HDAC4: variants seen among roughly 807,000 people sequenced by gnomAD.
HDAC4 encodes the protein histone deacetylase 4, also known as histone deacetylase A.
HDAC4 carries 16 observed loss-of-function variants against 135.1 expected under a neutral mutation model. The observed-to-expected ratio is 0.12, with a 90% CI of 0.08 to 0.18. The LOEUF (loss-of-function observed/expected upper bound fraction) is 0.18, where lower values mean the gene tolerates loss of function less well. Ranked by LOEUF, HDAC4 falls within the 10% of genes least tolerant of loss-of-function variation. The pLI is 1.00. For synonymous variants in HDAC4, 685 were observed against 653.4 expected (o/e 1.05, Z -0.74); for missense variants, 1,143 against 1,511.8 (o/e 0.76, Z 4.05).
intron 5 of HDAC4, among the ~76,000 whole-genome samples, chr2:239,173,111 G>T (rs2043556125): frequency 6.6e-6 from 1 of 152,098 alleles, no homozygotes; most frequent in South Asian, 2.1e-4. Flanking sequence ...AATAAACTTT[G>T]CCAGAGAATA....
At chr2:239,144,848 A>C in intron 7 of HDAC4, 134 bp from the exon 8 acceptor site, 1 of 852,974 alleles carries the variant, frequency 1.2e-6, no homozygotes, top group Non-Finnish European at 1.9e-6. Context: ...TGCAGGGGAG[A>C]GCGCAGGGAG....
intron 2 of HDAC4, among the ~76,000 whole-genome samples, chr2:239,251,607 C>A (rs1341940057): frequency 1.3e-5 from 2 of 152,040 alleles, no homozygotes; most frequent in African/African-American, 4.8e-5. Context: ...GAGTTCCATT[C>A]TCCACACACT....
Position 239,309,198 on chromosome 2 carries a change from G to T in HDAC4, c.22+43480C>A, listed in dbSNP as rs1489606823. 6.6e-6 allele frequency: 1 copy of T among 152,088 alleles called. No homozygotes were observed. The highest frequency in any genetic ancestry group is 6.5e-5 in the Admixed American group (1 of 15,270). 9.4% of individuals were successfully genotyped at this position (152,088 alleles called of 1,614,324 possible). On this transcript the variant is annotated intron_variant, in intron 2 of 26. Coordinates refer to ENST00000543185, the MANE Select transcript of HDAC4 (RefSeq NM_001378414.1). This position sits in a 1 kb window ranked among gnomAD's most constrained non-coding sequence, Gnocchi z 4.2. ...CAAGTCCTGCTCTCCCGGCGGCCTCGCTGGGGAAGAATTCAGCCGCTCCAC... is the reference window on the plus strand; with the variant it reads ...CAAGTCCTGCTCTCCCGGCGGCCTCTCTGGGGAAGAATTCAGCCGCTCCAC...
chr2:239,100,079 A>G (rs1231980546), intron 16 of HDAC4, among the ~76,000 whole-genome samples: 2 of 152,172 alleles, frequency 1.3e-5, no homozygotes, highest in Non-Finnish European at 2.9e-5. Context: ...CCTGGCTCTC[A>G]CCTGTCCCTG....
chr2:239,249,775 A>G (rs1262207185), intron 2 of HDAC4, among the ~76,000 whole-genome samples: 1 of 138,548 alleles, frequency 7.2e-6, no homozygotes, highest in Non-Finnish European at 1.5e-5. Context: ...CTGAGCTATT[A>G]AAGAAAAAAA....
At chr2:239,148,128 G>A (rs1458015801) in intron 7 of HDAC4, among the ~76,000 whole-genome samples, 3 of 152,252 alleles carry the variant, frequency 2.0e-5, no homozygotes, top group Non-Finnish European at 4.4e-5. Flanking sequence ...CAATATCGCC[G>A]TGGGACAGGG....
Position 239,352,629 on chromosome 2 carries a change from G to A in HDAC4, c.22+49C>T. 1 of 1,540,278 alleles carries A rather than the reference G, an allele frequency of 6.5e-7. No individual in the cohort carries two copies. Among genetic ancestry groups the A allele is most frequent in the Non-Finnish European group, 8.8e-7 (1 of 1,136,520 alleles). ...GCAGTCACAAGAACTTCTACTTTGG[G>A]CAAAGAAAGCCCCGCTGTGTGCCCA... On this transcript the variant is annotated intron_variant, in intron 2 of 26. Transcript: ENST00000543185. The surrounding 1 kb of genome is among the most constrained non-coding windows in gnomAD (Gnocchi z 4.4).
chr2:239,298,501 G>A (rs949644472), intron 2 of HDAC4: 8 of 1,108,886 alleles, frequency 7.2e-6, no homozygotes, highest in South Asian at 4.7e-5. Flanking sequence ...CTGGGTGAAC[G>A]CTGTGCACTC....
At chr2:239,339,678 C>T (rs1692175668) in intron 2 of HDAC4, among the ~76,000 whole-genome samples, 1 of 152,332 alleles carries the variant, frequency 6.6e-6, no homozygotes, top group South Asian at 2.1e-4. Context: ...CCTGCAATCT[C>T]CTGGCTAAGG....
chr2:239,321,238 G>C (rs1222821454), intron 2 of HDAC4, among the ~76,000 whole-genome samples: 1 of 152,098 alleles, frequency 6.6e-6, no homozygotes, highest in African/African-American at 2.4e-5. Context: ...GGTGAAGGTG[G>C]GCGGATCACG....
chr2:239,301,998 A>C (rs776767636), intron 2 of HDAC4, among the ~76,000 whole-genome samples: 9 of 152,148 alleles, frequency 5.9e-5, no homozygotes, highest in Non-Finnish European at 1.2e-4. Flanking sequence ...AACAAAAAAA[A>C]CAGGCAGGGG....
chr2:239,108,306 C>A, intron 14 of HDAC4, 123 bp from the exon 15 acceptor site: 1 of 1,247,312 alleles, frequency 8.0e-7, no homozygotes, highest in Non-Finnish European at 1.1e-6. Flanking sequence ...GAAGCTGGGA[C>A]GGTTCTTTAG....
rs1051313801 is a variant in HDAC4, at chr2:239,048,312, A to G, written c.*4785T>C. 2.0e-5 allele frequency: 3 copies of G among 152,316 alleles called. No individual in the cohort carries two copies. The highest frequency in any genetic ancestry group is 2.0e-4 in the Admixed American group (3 of 15,288). The allele number at this position is 152,316 out of a possible 1,614,324, so 9.4% of individuals were successfully genotyped here. ...TGGTCGGTGAAAATCCACCCACACAAAACAAGACAAGAATGAGAAAACCAA... is the reference window on the plus strand; with the variant it reads ...TGGTCGGTGAAAATCCACCCACACAGAACAAGACAAGAATGAGAAAACCAA... On this transcript the variant is annotated 3_prime_UTR_variant, in exon 27 of 27. Coordinates refer to ENST00000543185, the MANE Select transcript of HDAC4 (RefSeq NM_001378414.1).
intron 2 of HDAC4, among the ~76,000 whole-genome samples, chr2:239,265,910 T>A (rs2125159876): frequency 6.6e-6 from 1 of 152,060 alleles, no homozygotes; most frequent in African/African-American, 2.4e-5. Flanking sequence ...CAGGCTGGAG[T>A]ACTGACCTCC....
intron 11 of HDAC4, among the ~76,000 whole-genome samples, chr2:239,132,408 T>C (rs4629184): frequency 0.11 from 17,108 of 152,150 alleles, 3,152 homozygotes; most frequent in African/African-American, 0.38. Context: ...CTGGGGAGGC[T>C]GTGCAGGAGA....
chr2:239,324,968 G>A (rs1376722365), intron 2 of HDAC4, among the ~76,000 whole-genome samples: 1 of 152,218 alleles, frequency 6.6e-6, no homozygotes, highest in Non-Finnish European at 1.5e-5. Context: ...TAAGACACAT[G>A]CTCTCTTACA....
At chr2:239,321,750 AG>A (rs2053322319) in intron 2 of HDAC4, among the ~76,000 whole-genome samples, 1 of 152,092 alleles carries the variant, frequency 6.6e-6, no homozygotes, top group African/African-American at 2.4e-5. Flanking sequence ...AGCCCTCCAA[AG>A]CCCTGCCATA....
Position 239,231,014 on chromosome 2 carries a change from C to A in HDAC4, c.94+5579G>T, listed in dbSNP as rs78102205. Among the ~76,000 whole-genome samples, 968 of 152,320 alleles carry A rather than the reference C, an allele frequency of 6.4e-3. 21 individuals carry two copies. The East Asian group carries it at 0.072, about 11-fold the overall frequency. On this transcript the variant is annotated intron_variant, in intron 3 of 26. Transcript: ENST00000543185. ...TTTGACAGTGTGCTGGTCAAACACCCCTTAGATGTGGGAATCCAACGCTGA... is the reference window on the plus strand; with the variant it reads ...TTTGACAGTGTGCTGGTCAAACACCACTTAGATGTGGGAATCCAACGCTGA...
In HDAC4 at chr2:239,050,585, G is replaced by C. The variant is rs1302194147; in HGVS notation, c.*2512C>G. The stretch of plus-strand genomic sequence containing the variant: ...ACCACTGTCTCAGAGCTGACCATCA[G>C]CAGCCCAGTGACCAAGTGAATCCAA... On this transcript the variant is annotated 3_prime_UTR_variant, in exon 27 of 27. Coordinates refer to ENST00000543185, the MANE Select transcript of HDAC4 (RefSeq NM_001378414.1). 1.3e-5 allele frequency: 2 copies of C among 152,684 alleles called. No homozygotes were observed. The highest frequency in any genetic ancestry group is 2.4e-5 in the African/African-American group (1 of 41,470). The allele number at this position is 152,684 out of a possible 1,614,324, so 9.5% of individuals were successfully genotyped here. A position where few individuals can be genotyped will look rare whatever the true frequency, so the allele number is the denominator to read the frequency against.
Sources: gnomAD v4.1 joint callset for allele counts (sites outside exome capture counted in the v4.1 genomes callset) on GRCh38, gnomAD v4.1.1 for gene constraint, Gnocchi (gnomAD v3.1) non-coding constraint, MANE v1.5 for transcripts, NCBI Gene and HGNC (gene_info 2026-07-23, HGNC 2026-07-21) for gene names.